Variants in GVQW3 observed in about 807,000 individuals in gnomAD.
The protein encoded by GVQW3 is protein GVQW3.
A neutral mutation model predicts 12.5 loss-of-function variants in GVQW3; 7 were observed. The observed-to-expected ratio is 0.56, with a 90% CI of 0.32 to 1.05. The LOEUF (loss-of-function observed/expected upper bound fraction) is 1.05, where lower values mean the gene tolerates loss of function less well. Ranked by LOEUF, GVQW3 falls within the 50% of genes least tolerant of loss-of-function variation. The pLI, the probability that GVQW3 is intolerant of heterozygous loss-of-function variation, is 0.04. For missense variants in GVQW3, 188 were observed against 190.8 expected, an observed-to-expected ratio of 0.99 and a Z score of 0.09; for synonymous variants, 71 against 67.2, an observed-to-expected ratio of 1.06 and a Z score of -0.28.
chr11:76,402,645 A>G lies in GVQW3; in HGVS notation c.466-1015A>G, dbSNP rs1002238317. Among the ~76,000 whole-genome samples, 7 of 152,164 alleles carry G rather than the reference A, an allele frequency of 4.6e-5. No individual in the cohort carries two copies. In the East Asian group the frequency reaches 5.8e-4, roughly 13 times the overall value. On this transcript the variant is annotated intron_variant, in intron 1 of 1. Coordinates refer to ENST00000529331, the MANE Select transcript of GVQW3 (RefSeq NM_001347885.2). ...ATGTGAGACCCATCTTCATTAGTGT[A>G]GCTGATCATGTTTCTGGAAGTTGCC...
chr11:76,391,598 C>A (rs1201881908), intron 1 of GVQW3, among the ~76,000 whole-genome samples: 1 of 152,156 alleles, frequency 6.6e-6, no homozygotes, highest in Non-Finnish European at 1.5e-5. Context: ...AGCCAGAAGT[C>A]CACTCCTAGA....
At position 76,404,010 on chromosome 11, in the gene GVQW3, C is replaced by T. The variant is rs560287444; in HGVS notation, c.*252C>T. On this transcript the variant is annotated 3_prime_UTR_variant, in exon 2 of 2. Transcript: ENST00000529331. ...TACCAATTCAAATGCTAATCTCTTC[C>T]GGAAACATCCCCACAGACACACCCA... 1.6e-5 allele frequency: 10 copies of T among 640,026 alleles called. No homozygotes were observed. Among genetic ancestry groups the T allele is most frequent in the African/African-American group, 7.2e-5 (4 of 55,552 alleles). 39.6% of individuals were successfully genotyped at this position (640,026 alleles called of 1,614,324 possible).
At chr11:76,394,334 A>C (rs1028786476) in intron 1 of GVQW3, among the ~76,000 whole-genome samples, 30 of 137,442 alleles carry the variant, frequency 2.2e-4, no homozygotes, top group East Asian at 4.2e-4. Flanking sequence ...CCCCCACCCC[A>C]CCCTCCACTA....
chr11:76,382,987 G>A (rs1273205430), intron 1 of GVQW3: 1 of 153,406 alleles, frequency 6.5e-6, no homozygotes, highest in Non-Finnish European at 1.4e-5. Flanking sequence ...TGACTCAGTA[G>A]GCACCCTTAG....
At chr11:76,382,738 T>A (rs913089418) in intron 1 of GVQW3, 9 of 332,526 alleles carry the variant, frequency 2.7e-5, no homozygotes, top group African/African-American at 1.9e-4. Context: ...GTTGTGGCTG[T>A]CCTGTTCCTT....
At chr11:76,414,362 C>A (rs954915449) in exon 2 of GVQW3, 1 of 152,136 alleles carries the variant, frequency 6.6e-6, no homozygotes, top group African/African-American at 2.4e-5. Context: ...AAGCAGAGTT[C>A]GTCACTTTTG....
In GVQW3 at chr11:76,407,355, A is replaced by T. The variant is rs1947050563; in HGVS notation, c.*3597A>T. 1 of 152,122 alleles carries T rather than the reference A, an allele frequency of 6.6e-6. No individual in the cohort carries two copies. Among genetic ancestry groups the T allele is most frequent in the African/African-American group, 2.4e-5 (1 of 41,424 alleles). The allele number at this position is 152,122 out of a possible 1,614,324, so 9.4% of individuals were successfully genotyped here. The stretch of plus-strand genomic sequence containing the variant: ...AATACTTTGGGAGGCCGAGGTGGGC[A>T]GATCACAAGTCAGGAGCTAGAGACC... On this transcript the variant is annotated 3_prime_UTR_variant, in exon 2 of 2. Transcript: ENST00000529331.
intron 1 of GVQW3, among the ~76,000 whole-genome samples, chr11:76,394,620 T>C (rs548550514): frequency 5.3e-5 from 8 of 152,342 alleles, no homozygotes; most frequent in Non-Finnish European, 1.0e-4. Flanking sequence ...CTTCCAAATC[T>C]TGGCTATTGT....
At chr11:76,396,446 C>T (rs1946940426) in intron 1 of GVQW3, among the ~76,000 whole-genome samples, 1 of 152,110 alleles carries the variant, frequency 6.6e-6, no homozygotes, top group South Asian at 2.1e-4. Flanking sequence ...CCCGAAGTAG[C>T]TGGGACTGCA....
chr11:76,393,146 C>T (rs764851068), intron 1 of GVQW3, among the ~76,000 whole-genome samples: 1 of 152,062 alleles, frequency 6.6e-6, no homozygotes, highest in Non-Finnish European at 1.5e-5. Flanking sequence ...AGTTGGTTTC[C>T]AATGCATAAA....
intron 1 of GVQW3, among the ~76,000 whole-genome samples, chr11:76,401,307 CAT>C (rs1221466178): frequency 6.6e-6 from 1 of 151,776 alleles, no homozygotes; most frequent in African/African-American, 2.4e-5. Context: ...TTTTTTTCCT[CAT>C]GTGATTTGTT....
chr11:76,384,106 T>C (rs1946806946), intron 1 of GVQW3, among the ~76,000 whole-genome samples: 1 of 152,202 alleles, frequency 6.6e-6, no homozygotes, highest in Non-Finnish European at 1.5e-5. Context: ...CCACATAGAC[T>C]GGAAACATTC....
chr11:76,390,805 T>C (rs1424548699), intron 1 of GVQW3, among the ~76,000 whole-genome samples: 6 of 149,022 alleles, frequency 4.0e-5, no homozygotes, highest in African/African-American at 1.2e-4. Flanking sequence ...CCAGCCTGGG[T>C]GACAGAGCAA....
intron 1 of GVQW3, chr11:76,383,253 C>CA (rs1312009370): frequency 6.6e-6 from 1 of 152,250 alleles, no homozygotes; most frequent in African/African-American, 2.4e-5. Context: ...GATTCCCACA[C>CA]AGCAGCCTGT....
chr11:76,391,371 G>A (rs1489995389), intron 1 of GVQW3, among the ~76,000 whole-genome samples: 1 of 152,190 alleles, frequency 6.6e-6, no homozygotes, highest in Non-Finnish European at 1.5e-5. Context: ...CGAAACGGCT[G>A]TTTCTCTTAA....
At chr11:76,385,871 A>G (rs188929854) in intron 1 of GVQW3, among the ~76,000 whole-genome samples, 4 of 152,308 alleles carry the variant, frequency 2.6e-5, no homozygotes, top group African/African-American at 9.6e-5. Context: ...CAAGGAGGCA[A>G]TATGGTTACC....
Position 76,381,557 on chromosome 11 carries a change from G to GGTCGCCGTA in GVQW3, c.-272_-271insGTCGCCGTA. ...GGTGACTGGCAAACTCTCGGCAGAT[G>GGTCGCCGTA]TGCGTGCACTGGTTTGATGCAGACG... On this transcript the variant is annotated 5_prime_UTR_variant, in exon 1 of 2. The change creates a new upstream start codon in the 5' untranslated region. Coordinates refer to ENST00000529331, the MANE Select transcript of GVQW3 (RefSeq NM_001347885.2). 2.7e-6 allele frequency: 1 copy of GGTCGCCGTA among 368,946 alleles called. No homozygotes were observed. The highest frequency in any genetic ancestry group is 4.3e-5 in the Admixed American group (1 of 23,292). The allele number at this position is 368,946 out of a possible 1,614,324, so 22.9% of individuals were successfully genotyped here.
intron 1 of GVQW3, 41 bp from the exon 2 acceptor site, chr11:76,403,619 G>T: frequency 2.2e-6 from 1 of 446,676 alleles, no homozygotes; most frequent in Non-Finnish European, 3.9e-6. Flanking sequence ...ACAAGCATGT[G>T]CCACCATGCC....
At chr11:76,390,826 TA>T (rs11353114) in intron 1 of GVQW3, among the ~76,000 whole-genome samples, 73,359 of 142,498 alleles carry the variant, frequency 0.51, 19,224 homozygotes, top group South Asian at 0.62. Context: ...GACTCCGTCT[TA>T]AAAAAAAAAA....
Sources: allele counts gnomAD v4.1 joint callset (sites outside exome capture counted in the v4.1 genomes callset), GRCh38; gene constraint gnomAD v4.1.1; transcripts MANE v1.5; gene names NCBI Gene and HGNC (gene_info 2026-07-23, HGNC 2026-07-21).